The following SLC44A5 variants were observed in gnomAD, a reference collection of about 807,000 sequenced individuals.
The protein encoded by SLC44A5 is solute carrier family 44 member 5.
SLC44A5 carries 57 observed loss-of-function variants against 101.8 expected under a neutral mutation model. The ratio of observed to expected loss-of-function variants is 0.56; its 90% CI spans 0.45 to 0.70. The LOEUF is 0.70. Ranked by LOEUF, SLC44A5 falls within the 30% of genes least tolerant of loss-of-function variation. The pLI is 0.00. For missense variants in SLC44A5, 737 were observed against 853.1 expected, an observed-to-expected ratio of 0.86 and a Z score of 1.70; for synonymous variants, 281 against 290.9, an observed-to-expected ratio of 0.97 and a Z score of 0.35.
intron 4 of SLC44A5, among the ~76,000 whole-genome samples, chr1:75,317,485 G>A (rs544443451): frequency 6.6e-6 from 1 of 152,188 alleles, no homozygotes; most frequent in East Asian, 1.9e-4. Flanking sequence ...CAATGTTTTT[G>A]TGGTTTCATG....
chr1:75,671,249 T>A, the SLC44A5 span, among the ~76,000 whole-genome samples: 2 of 152,122 alleles, frequency 1.3e-5, no homozygotes, highest in Non-Finnish European at 2.9e-5. Flanking sequence ...GCAGTTGGTG[T>A]GCGTGGACTC....
chr1:75,395,739 ATTAAG>A (rs747141905), intron 3 of SLC44A5, among the ~76,000 whole-genome samples: 1 of 152,170 alleles, frequency 6.6e-6, no homozygotes, highest in Non-Finnish European at 1.5e-5. Flanking sequence ...TTGTAGAAAG[ATTAAG>A]TTAAGCTAAT....
chr1:75,435,850 T>A (rs1664858693), intron 2 of SLC44A5, among the ~76,000 whole-genome samples: 1 of 151,912 alleles, frequency 6.6e-6, no homozygotes, highest in Non-Finnish European at 1.5e-5. Flanking sequence ...TTTTGCACCA[T>A]CACCACCACC....
intron 11 of SLC44A5, among the ~76,000 whole-genome samples, chr1:75,234,915 G>A (rs543390210): frequency 5.3e-5 from 8 of 152,158 alleles, no homozygotes; most frequent in Non-Finnish European, 7.4e-5. Flanking sequence ...CATTAAGATC[G>A]GAAAGTTGGC....
At chr1:75,656,133 C>A in the SLC44A5 span, among the ~76,000 whole-genome samples, 1 of 152,150 alleles carries the variant, frequency 6.6e-6, no homozygotes, top group Non-Finnish European at 1.5e-5. Context: ...GGAAAAACTT[C>A]CAACTGAGTA....
intron 13 of SLC44A5, among the ~76,000 whole-genome samples, chr1:75,227,297 C>T (rs1389734889): frequency 2.0e-5 from 3 of 152,010 alleles, no homozygotes; most frequent in Non-Finnish European, 4.4e-5. Context: ...TTTGGGAGGT[C>T]AAGGGTGAAG....
intron 3 of SLC44A5, among the ~76,000 whole-genome samples, chr1:75,394,437 T>A (rs184772110): frequency 5.5e-4 from 84 of 152,278 alleles, no homozygotes; most frequent in Non-Finnish European, 8.4e-4. Flanking sequence ...TCATTTTTTT[T>A]AAATAAATTT....
chr1:75,565,618 G>T (rs1672748536), intron 1 of SLC44A5, among the ~76,000 whole-genome samples: 1 of 152,114 alleles, frequency 6.6e-6, no homozygotes, highest in Admixed American at 6.5e-5. Flanking sequence ...CTTCACTCCA[G>T]GCAGTAATGT....
intron 5 of SLC44A5, among the ~76,000 whole-genome samples, chr1:75,298,351 G>A (rs928807710): frequency 2.6e-5 from 4 of 152,020 alleles, no homozygotes; most frequent in African/African-American, 9.7e-5. Context: ...GTGGCACTGG[G>A]ATTAATCTGG....
intron 1 of SLC44A5, among the ~76,000 whole-genome samples, chr1:75,549,578 A>G (rs1204795499): frequency 6.6e-6 from 1 of 152,160 alleles, no homozygotes; most frequent in East Asian, 1.9e-4. Flanking sequence ...GCATAGGTGC[A>G]GATGGTAGGA....
At chr1:75,259,445 C>T (rs1447334383) in intron 6 of SLC44A5, among the ~76,000 whole-genome samples, 1 of 151,840 alleles carries the variant, frequency 6.6e-6, no homozygotes, top group Non-Finnish European at 1.5e-5. Context: ...TGAAGATCAA[C>T]TCAATGAAAT....
chr1:75,384,319 G>C (rs1217818155), intron 3 of SLC44A5, among the ~76,000 whole-genome samples: 2 of 149,700 alleles, frequency 1.3e-5, no homozygotes, highest in African/African-American at 2.5e-5. Flanking sequence ...CCCATCTCAC[G>C]TGCAGAGACA....
At chr1:75,535,539 G>A (rs545187958) in intron 2 of SLC44A5, among the ~76,000 whole-genome samples, 2 of 152,300 alleles carry the variant, frequency 1.3e-5, no homozygotes, top group South Asian at 4.1e-4. Context: ...GATCACTGGT[G>A]TACCATGAAT....
At chr1:75,329,231 T>C (rs1439993813) in intron 4 of SLC44A5, among the ~76,000 whole-genome samples, 1 of 152,134 alleles carries the variant, frequency 6.6e-6, no homozygotes, top group Non-Finnish European at 1.5e-5. Context: ...GTTTGAAAAC[T>C]TCCTCCCTCT....
the SLC44A5 span, among the ~76,000 whole-genome samples, chr1:75,697,744 G>C: frequency 1.3e-5 from 2 of 152,216 alleles, no homozygotes; most frequent in African/African-American, 4.8e-5. Context: ...GAGGTACCGG[G>C]TTCATCTCAC....
At chr1:75,251,702 T>C (rs1396273875) in intron 6 of SLC44A5, among the ~76,000 whole-genome samples, 1 of 152,226 alleles carries the variant, frequency 6.6e-6, no homozygotes, top group Non-Finnish European at 1.5e-5. Context: ...GAAACATTAT[T>C]ACATCTGAAT....
the SLC44A5 span, among the ~76,000 whole-genome samples, chr1:75,654,774 C>A: frequency 6.6e-6 from 1 of 152,072 alleles, no homozygotes; most frequent in African/African-American, 2.4e-5. Context: ...AACAGCTTCC[C>A]CCCAAAACTT....
In SLC44A5 at chr1:75,211,295, A is replaced by G. The variant is rs1012790897; in HGVS notation, c.2047+173T>C. Among the ~76,000 whole-genome samples, 4 of 152,158 alleles carry G rather than the reference A, an allele frequency of 2.6e-5. No individual in the cohort carries two copies. The East Asian group carries it at 7.7e-4, about 29-fold the overall frequency. On this transcript the variant is annotated intron_variant, in intron 23 of 23. Transcript: ENST00000370859. Reference sequence around the variant, plus strand: ...TCTTTCTGCATCTGACTTATTTCTCAGGTATTATGGTTTAAATAACATCTA... The same window carrying G: ...TCTTTCTGCATCTGACTTATTTCTCGGGTATTATGGTTTAAATAACATCTA...
In SLC44A5 at chr1:75,324,586, G is replaced by A. The variant is rs183107797; in HGVS notation, c.101+14996C>T. Reference sequence around the variant, plus strand: ...TTGTGAGTATTACACAAGTGCATGCGTACATCATGAGGTAGGTTCAAGAAG... The same window carrying A: ...TTGTGAGTATTACACAAGTGCATGCATACATCATGAGGTAGGTTCAAGAAG... On this transcript the variant is annotated intron_variant, in intron 4 of 23. Transcript: ENST00000370859. Among the ~76,000 whole-genome samples, 11 of 152,268 alleles carry A rather than the reference G, an allele frequency of 7.2e-5. No individual in the cohort carries two copies. In the East Asian group the frequency reaches 1.5e-3, roughly 21 times the overall value.
Sources: allele counts gnomAD v4.1 joint callset (sites outside exome capture counted in the v4.1 genomes callset), GRCh38; gene constraint gnomAD v4.1.1; transcripts MANE v1.5; gene names NCBI Gene and HGNC (gene_info 2026-07-23, HGNC 2026-07-21).